Variants in ANO3 observed in about 807,000 individuals in gnomAD.
ANO3 encodes anoctamin 3.
Under a neutral mutation model 144.8 loss-of-function variants are expected in ANO3, and 99 were observed. That is an observed-to-expected ratio of 0.68 (90% confidence interval 0.58 to 0.81). ANO3 has a LOEUF of 0.81. Among genes scored for constraint, ANO3 ranks in the 30% least tolerant of loss-of-function variants. ANO3 has a pLI of 0.00. For synonymous variants in ANO3, 414 were observed against 392.6 expected, an observed-to-expected ratio of 1.05 and a Z score of -0.64; for missense variants, 905 against 1,202.2, an observed-to-expected ratio of 0.75 and a Z score of 3.66.
intron 24 of ANO3, among the ~76,000 whole-genome samples, chr11:26,651,623 T>A (rs914006508): frequency 6.6e-5 from 10 of 152,114 alleles, no homozygotes; most frequent in African/African-American, 2.4e-4. Flanking sequence ...ATATAAATTA[T>A]TTTTGTTTTT....
At chr11:26,539,871 T>A (rs1014707136) in intron 10 of ANO3, among the ~76,000 whole-genome samples, 5 of 152,164 alleles carry the variant, frequency 3.3e-5, no homozygotes, top group African/African-American at 9.7e-5. Flanking sequence ...ATTACTTCTG[T>A]CATCTAGGTG....
Position 26,662,321 on chromosome 11 carries a change from C to G in ANO3, c.*1877C>G, listed in dbSNP as rs965233502. 1.1e-4 allele frequency: 16 copies of G among 151,952 alleles called. No individual in the cohort carries two copies. The highest frequency in any genetic ancestry group is 3.4e-4 in the African/African-American group (14 of 41,422). The allele number at this position is 151,952 out of a possible 1,614,324, so 9.4% of individuals were successfully genotyped here. A position where few individuals can be genotyped will look rare whatever the true frequency, so the allele number is the denominator to read the frequency against. On this transcript the variant is annotated 3_prime_UTR_variant, in exon 27 of 27. Coordinates refer to ENST00000256737, the MANE Select transcript of ANO3 (RefSeq NM_031418.4). Reference sequence around the variant, plus strand: ...CCAGAGAGGTTCTCATGCTCCCCCCCCTCCTTATTTGTAGCAATCGTAGCA... The same window carrying G: ...CCAGAGAGGTTCTCATGCTCCCCCCGCTCCTTATTTGTAGCAATCGTAGCA...
At chr11:26,340,681 T>C (rs1400026582) in intron 1 of ANO3, among the ~76,000 whole-genome samples, 1 of 152,206 alleles carries the variant, frequency 6.6e-6, no homozygotes, top group East Asian at 1.9e-4. Flanking sequence ...CTATAGTAAA[T>C]TGCCAATTGA....
intron 1 of ANO3, among the ~76,000 whole-genome samples, chr11:26,193,899 G>A (rs936434099): frequency 2.0e-5 from 3 of 152,054 alleles, no homozygotes; most frequent in African/African-American, 7.2e-5. Flanking sequence ...TAATTACCTG[G>A]ACTCTAGAGC....
chr11:26,636,351 G>A (rs1852957835), intron 20 of ANO3, among the ~76,000 whole-genome samples: 2 of 152,162 alleles, frequency 1.3e-5, no homozygotes, highest in Admixed American at 1.3e-4. Flanking sequence ...GGATATTTGT[G>A]AACTGGCTAA....
upstream of ANO3, among the ~76,000 whole-genome samples, chr11:26,307,730 T>TAAC (rs555729060): frequency 6.9e-6 from 1 of 144,864 alleles, no homozygotes; most frequent in African/African-American, 2.6e-5. Context: ...TAAATAATAA[T>TAAC]AATAATAATA....
intron 4 of ANO3, among the ~76,000 whole-genome samples, chr11:26,477,450 A>G (rs959661003): frequency 2.2e-4 from 33 of 152,114 alleles, no homozygotes; most frequent in African/African-American, 7.5e-4. Context: ...TTTAAGTCAC[A>G]TATCACTTCT....
chr11:26,494,722 C>T (rs1860857589), intron 4 of ANO3, among the ~76,000 whole-genome samples: 1 of 152,064 alleles, frequency 6.6e-6, no homozygotes, highest in African/African-American at 2.4e-5. Flanking sequence ...ACAGGGGCTC[C>T]TAGAACGGAA....
At chr11:26,451,784 C>G (rs979468841) in intron 3 of ANO3, among the ~76,000 whole-genome samples, 3 of 152,236 alleles carry the variant, frequency 2.0e-5, no homozygotes, top group Non-Finnish European at 4.4e-5. Context: ...ACTGCCTCCT[C>G]AAGTGGGTCC....
At chr11:26,325,133 T>C (rs1324022813) in intron 1 of ANO3, among the ~76,000 whole-genome samples, 1 of 152,206 alleles carries the variant, frequency 6.6e-6, no homozygotes, top group East Asian at 1.9e-4. Context: ...GTTCCACCAT[T>C]GTTTTACAAT....
At chr11:26,534,651 T>C in intron 9 of ANO3, 89 bp downstream of exon 9, 1 of 818,122 alleles carries the variant, frequency 1.2e-6, no homozygotes, top group South Asian at 1.6e-5. Flanking sequence ...TAGCTTTGCT[T>C]TAATTCATTA....
intron 17 of ANO3, among the ~76,000 whole-genome samples, chr11:26,606,819 A>G (rs148835124): frequency 0.011 from 1,670 of 152,236 alleles, 35 homozygotes; most frequent in African/African-American, 0.038. Context: ...TCCTGATGCT[A>G]TCTGGTTATT....
chr11:26,641,817 C>T (rs750475383), intron 21 of ANO3, 79 bp from the exon 22 acceptor site: 1 of 1,357,774 alleles, frequency 7.4e-7, no homozygotes, highest in Non-Finnish European at 9.7e-7. Context: ...TGGTTTTACT[C>T]ATTTCTTAAT....
chr11:26,243,868 C>T (rs544693257), intron 1 of ANO3, among the ~76,000 whole-genome samples: 6 of 151,776 alleles, frequency 4.0e-5, no homozygotes, highest in Non-Finnish European at 7.4e-5. Context: ...GCCTGTAATC[C>T]CAGCACTTTG....
intron 1 of ANO3, among the ~76,000 whole-genome samples, chr11:26,408,567 C>T (rs1169270128): frequency 1.4e-5 from 2 of 147,108 alleles, no homozygotes; most frequent in Non-Finnish European, 3.0e-5. Context: ...GTCGGTGTGG[C>T]GTTTCCTCAG....
intron 6 of ANO3, among the ~76,000 whole-genome samples, chr11:26,518,368 C>T (rs1008567500): frequency 6.6e-6 from 1 of 151,998 alleles, no homozygotes; most frequent in African/African-American, 2.4e-5. Flanking sequence ...TCATGTTATA[C>T]AAAACCATGC....
chr11:26,372,149 G>A (rs955973289), intron 1 of ANO3, among the ~76,000 whole-genome samples: 1 of 151,842 alleles, frequency 6.6e-6, no homozygotes, highest in Non-Finnish European at 1.5e-5. Flanking sequence ...CATGAGGGTG[G>A]TTTTCCCCAT....
At chr11:26,421,309 A>G (rs1381173) in intron 1 of ANO3, among the ~76,000 whole-genome samples, 51,848 of 151,932 alleles carry the variant, frequency 0.34, 10,624 homozygotes, top group African/African-American at 0.58. Context: ...CAGAGCTATA[A>G]TGATTTTGAC....
At chr11:26,384,258 T>C (rs1856665021) in intron 1 of ANO3, among the ~76,000 whole-genome samples, 2 of 152,094 alleles carry the variant, frequency 1.3e-5, no homozygotes. Flanking sequence ...TATGTGTATA[T>C]GTACAAATTA....
Sources: allele counts gnomAD v4.1 joint callset (sites outside exome capture counted in the v4.1 genomes callset), GRCh38; gene constraint gnomAD v4.1.1; transcripts MANE v1.5; gene names NCBI Gene and HGNC (gene_info 2026-07-23, HGNC 2026-07-21).